The following HS3ST5 variants were observed in gnomAD, a reference collection of about 807,000 sequenced individuals.
HS3ST5 encodes heparan sulfate glucosamine 3-O-sulfotransferase 5.
HS3ST5 carries 10 observed loss-of-function variants against 25.4 expected under a neutral mutation model. The observed-to-expected ratio is 0.39, with a 90% CI of 0.24 to 0.67. The LOEUF (loss-of-function observed/expected upper bound fraction) is 0.67, where lower values mean the gene tolerates loss of function less well. Among genes scored for constraint, HS3ST5 ranks in the 30% least tolerant of loss-of-function variants. The probability of loss-of-function intolerance (pLI) is 0.44; values close to 1 mark genes in which losing one functional copy is unlikely to be tolerated. For missense variants in HS3ST5, 324 were observed against 420.7 expected (o/e 0.77, Z 2.01); for synonymous variants, 170 against 162.4 (o/e 1.05, Z -0.36).
chr6:114,167,191 A>C (rs1008633270), intron 3 of HS3ST5, among the ~76,000 whole-genome samples: 1 of 152,232 alleles, frequency 6.6e-6, no homozygotes, highest in Non-Finnish European at 1.5e-5. Context: ...GCAACTGGTC[A>C]CTGCGCACAT....
intron 2 of HS3ST5, among the ~76,000 whole-genome samples, chr6:114,188,200 A>C (rs1186322343): frequency 6.6e-6 from 1 of 152,132 alleles, no homozygotes; most frequent in African/African-American, 2.4e-5. Flanking sequence ...GAAGGCTCAG[A>C]TGGGGTAAGT....
chr6:114,104,937 G>A (rs1775915445), intron 3 of HS3ST5, among the ~76,000 whole-genome samples: 2 of 151,722 alleles, frequency 1.3e-5, no homozygotes, highest in South Asian at 2.1e-4. Context: ...TCATCTTTGC[G>A]GTTTACAAGA....
At chr6:114,294,003 G>A (rs1475099944) in intron 1 of HS3ST5, among the ~76,000 whole-genome samples, 3 of 152,172 alleles carry the variant, frequency 2.0e-5, no homozygotes, top group Non-Finnish European at 1.5e-5. Flanking sequence ...ATGACACAAA[G>A]TTATGGAGAT....
chr6:114,080,211 G>A (rs1774374486), intron 3 of HS3ST5, among the ~76,000 whole-genome samples: 1 of 152,140 alleles, frequency 6.6e-6, no homozygotes, highest in South Asian at 2.1e-4. Flanking sequence ...GGACTCTTGG[G>A]TGATTAGGTC....
chr6:114,069,648 A>G (rs1023216784), intron 3 of HS3ST5, among the ~76,000 whole-genome samples: 1 of 151,104 alleles, frequency 6.6e-6, no homozygotes. Flanking sequence ...CCTCTCGAGT[A>G]GCTGGACTAC....
chr6:114,292,694 T>A (rs1364477945), intron 1 of HS3ST5, among the ~76,000 whole-genome samples: 1 of 152,196 alleles, frequency 6.6e-6, no homozygotes, highest in Non-Finnish European at 1.5e-5. Flanking sequence ...TGGACAGACA[T>A]GTACAGTCAT....
intron 3 of HS3ST5, among the ~76,000 whole-genome samples, chr6:114,075,783 C>T (rs911783307): frequency 3.3e-5 from 5 of 152,152 alleles, no homozygotes; most frequent in Non-Finnish European, 7.3e-5. Context: ...CACACAGGAA[C>T]ACAACCCTTC....
At chr6:114,227,974 G>A (rs1771384278) in intron 2 of HS3ST5, among the ~76,000 whole-genome samples, 1 of 152,014 alleles carries the variant, frequency 6.6e-6, no homozygotes, top group African/African-American at 2.4e-5. Context: ...GTCAAAAAGG[G>A]AGCATCAATT....
At chr6:114,142,867 C>T (rs1397836474) in intron 3 of HS3ST5, 1 of 152,180 alleles carries the variant, frequency 6.6e-6, no homozygotes, top group Non-Finnish European at 1.5e-5. Flanking sequence ...AAGTTATCTT[C>T]TCACCTCACT....
At chr6:114,302,048 G>T (rs1775097750) in intron 1 of HS3ST5, among the ~76,000 whole-genome samples, 1 of 152,122 alleles carries the variant, frequency 6.6e-6, no homozygotes, top group South Asian at 2.1e-4. Flanking sequence ...GTCTGCTGTT[G>T]TCTCCAAGTT....
intron 3 of HS3ST5, among the ~76,000 whole-genome samples, chr6:114,088,420 T>C (rs1774956027): frequency 6.6e-6 from 1 of 151,984 alleles, no homozygotes. Flanking sequence ...TAATTTTTCT[T>C]ATCAATATCT....
At chr6:114,297,434 AG>A (rs1480481650) in intron 1 of HS3ST5, among the ~76,000 whole-genome samples, 1 of 152,220 alleles carries the variant, frequency 6.6e-6, no homozygotes, top group Non-Finnish European at 1.5e-5. Context: ...CATGAGTGAC[AG>A]GAAGAGGAAC....
intron 3 of HS3ST5, among the ~76,000 whole-genome samples, chr6:114,110,955 C>T (rs1159257744): frequency 6.6e-6 from 1 of 152,138 alleles, no homozygotes; most frequent in Non-Finnish European, 1.5e-5. Flanking sequence ...GTGAAAATTA[C>T]ATTTAATTAA....
chr6:114,057,220 T>A lies in HS3ST5; in HGVS notation c.*37A>T. The A allele has an allele frequency of 7.0e-7, 1 of 1,431,572 alleles. No homozygotes were observed. The highest frequency in any genetic ancestry group is 9.7e-7 in the Non-Finnish European group (1 of 1,031,644). 88.7% of individuals were successfully genotyped at this position (1,431,572 alleles called of 1,614,324 possible). A position where few individuals can be genotyped will look rare whatever the true frequency, so the allele number is the denominator to read the frequency against. On this transcript the variant is annotated 3_prime_UTR_variant, in exon 5 of 5. Coordinates refer to ENST00000312719, the MANE Select transcript of HS3ST5 (RefSeq NM_153612.4). Reference sequence around the variant, plus strand: ...TAATCTACAGGAGACATTGTGTGTCTCCAGGCACAACACATAGTGTTGTAT... The same window carrying A: ...TAATCTACAGGAGACATTGTGTGTCACCAGGCACAACACATAGTGTTGTAT...
chr6:114,091,054 C>T (rs1251857359), intron 3 of HS3ST5, among the ~76,000 whole-genome samples: 1 of 152,124 alleles, frequency 6.6e-6, no homozygotes, highest in Admixed American at 6.5e-5. Context: ...TTTCAGGGGG[C>T]CTAATTATAA....
In HS3ST5 at chr6:114,317,520, A is replaced by T. The variant is rs562547835; in HGVS notation, c.-339+24675T>A. ...TCTGGGTTTGGAGCCATATCTATGG[A>T]TATAATATTTAAATAGTATATTGTA... is the stretch of plus-strand genomic sequence containing the variant. On this transcript the variant is annotated intron_variant, in intron 1 of 4. Coordinates refer to ENST00000312719, the MANE Select transcript of HS3ST5 (RefSeq NM_153612.4). Among the ~76,000 whole-genome samples, 265 of 152,290 alleles carry T rather than the reference A, an allele frequency of 1.7e-3. 2 individuals are homozygous for T. The highest frequency in any genetic ancestry group is 6.2e-3 in the African/African-American group (258 of 41,562).
chr6:114,085,936 C>CCA (rs943694562), intron 3 of HS3ST5, among the ~76,000 whole-genome samples: 25 of 106,618 alleles, frequency 2.3e-4, no homozygotes, highest in African/African-American at 8.0e-4. Flanking sequence ...AATTCATTGC[C>CCA]CCCCCCCCCA....
rs1778120056 is a variant in HS3ST5, at chr6:114,145,547, G to A, written c.-33+22804C>T. On this transcript the variant is annotated intron_variant, in intron 3 of 4. Coordinates refer to ENST00000312719, the MANE Select transcript of HS3ST5 (RefSeq NM_153612.4). ...CACAAAGCCTGCCTGATTAGAAGGA[G>A]GGAGTCTGGAGAGAGTGGCCAGGGT... Among the ~76,000 whole-genome samples, 3 of 152,294 alleles carry A rather than the reference G, an allele frequency of 2.0e-5. 1 individual carries two copies. Among genetic ancestry groups the A allele is most frequent in the Middle Eastern group, 6.8e-3 (2 of 294 alleles).
Position 114,058,067 on chromosome 6 carries a change from G to A in HS3ST5, c.231C>T (p.Ser77=). ...GGTCATGGAGGCGAACCTGCTCCTT[G>A]GAAGCGTTGCCCTTCCGGAACTCGT... ...LLHEFRKGNA[S]KEQVRLHDLV... Residue 77 remains serine (S), a synonymous_variant, in exon 5 of 5, where the codon TCC becomes TCT. Transcript: ENST00000312719. 1 of 1,614,190 alleles carries A rather than the reference G, an allele frequency of 6.2e-7. No homozygotes were observed. Among genetic ancestry groups the A allele is most frequent in the Non-Finnish European group, 8.5e-7 (1 of 1,180,022 alleles).
Sources: allele counts gnomAD v4.1 joint callset (sites outside exome capture counted in the v4.1 genomes callset), GRCh38; gene constraint gnomAD v4.1.1; transcripts MANE v1.5; gene names NCBI Gene and HGNC (gene_info 2026-07-23, HGNC 2026-07-21).